The following MIPEP variants were observed in gnomAD, a reference collection of about 807,000 sequenced individuals.
The protein encoded by MIPEP is mitochondrial intermediate peptidase.
MIPEP carries 79 observed loss-of-function variants against 90.3 expected under a neutral mutation model. The observed-to-expected ratio is 0.87, with a 90% CI of 0.73 to 1.05. The LOEUF (loss-of-function observed/expected upper bound fraction) is 1.05, where lower values mean the gene tolerates loss of function less well. Among genes scored for constraint, MIPEP ranks in the 50% least tolerant of loss-of-function variants. The pLI, the probability that MIPEP is intolerant of heterozygous loss-of-function variation, is 0.00. For synonymous variants in MIPEP, 334 were observed against 315.8 expected (o/e 1.06, Z -0.61); for missense variants, 940 against 905.6 (o/e 1.04, Z -0.49).
intron 18 of MIPEP, among the ~76,000 whole-genome samples, chr13:23,733,785 A>T (rs755082056): frequency 6.6e-6 from 1 of 152,356 alleles, no homozygotes; most frequent in Admixed American, 6.5e-5. Flanking sequence ...TCTAATGTCT[A>T]TCTAAATTCT....
rs1210128832 is a variant in MIPEP at position 23,889,302 on chromosome 13, G to C, written c.19C>G (p.Leu7Val). 1.6e-5 allele frequency: 21 copies of C among 1,350,618 alleles called. No individual in the cohort carries two copies. The highest frequency in any genetic ancestry group is 1.9e-5 in the Non-Finnish European group (20 of 1,049,226). The allele number at this position is 1,350,618 out of a possible 1,614,324, so 83.7% of individuals were successfully genotyped here. A position where few individuals can be genotyped will look rare whatever the true frequency, so the allele number is the denominator to read the frequency against. The change falls in exon 1 of 19, where the codon CTG (leucine) becomes GTG (valine). Residue 7 changes from leucine (L) to valine (V), a missense_variant. Coordinates refer to ENST00000382172, the MANE Select transcript of MIPEP (RefSeq NM_005932.4). MLCVGR[L>V]GGLGARAAAL... The stretch of plus-strand genomic sequence containing the variant: ...GCTGCTCTGGCTCCCAAGCCGCCCA[G>C]CCTTCCGACGCACAGCATTCTAGCA...
chr13:23,766,999 G>A (rs550429802), intron 16 of MIPEP, among the ~76,000 whole-genome samples: 1 of 152,330 alleles, frequency 6.6e-6, no homozygotes, highest in South Asian at 2.1e-4. Flanking sequence ...TGTTGGGAAA[G>A]CCCACTGTCA....
chr13:23,797,511 CCTT>C (rs1438511620), intron 16 of MIPEP, among the ~76,000 whole-genome samples: 6 of 152,328 alleles, frequency 3.9e-5, no homozygotes, highest in Middle Eastern at 6.8e-3. Context: ...CATTCCCACT[CCTT>C]CTCTTTTATC....
At chr13:23,785,560 C>T (rs1952829187) in intron 16 of MIPEP, among the ~76,000 whole-genome samples, 1 of 148,620 alleles carries the variant, frequency 6.7e-6, no homozygotes, top group South Asian at 2.1e-4. Context: ...ACCAACATGG[C>T]ACATGTATAC....
chr13:23,795,981 C>T (rs2063672047), intron 16 of MIPEP, among the ~76,000 whole-genome samples: 1 of 152,016 alleles, frequency 6.6e-6, no homozygotes, highest in South Asian at 2.1e-4. Context: ...AGTGATGGAG[C>T]AAGACCCTGT....
chr13:23,874,985 TA>T, intron 4 of MIPEP, 76 bp from the exon 5 acceptor site: 1 of 1,295,758 alleles, frequency 7.7e-7, no homozygotes, highest in African/African-American at 1.5e-5. Flanking sequence ...TTTTGTTAAA[TA>T]AATAAGTCTT....
intron 3 of MIPEP, among the ~76,000 whole-genome samples, chr13:23,880,205 T>C (rs1451268646): frequency 1.3e-5 from 2 of 152,070 alleles, no homozygotes; most frequent in African/African-American, 2.4e-5. Flanking sequence ...ACCATTCTCA[T>C]GGGCCTTCCC....
chr13:23,742,239 G>GA lies in MIPEP; in HGVS notation c.2045-11795dup, dbSNP rs570091852. Among the ~76,000 whole-genome samples, 170 of 152,100 alleles carry GA rather than the reference G, an allele frequency of 1.1e-3. 1 individual carries two copies. Among genetic ancestry groups the GA allele is most frequent in the African/African-American group, 3.9e-3 (163 of 41,530 alleles). Reference sequence around the variant, plus strand: ...AAGGGGTGCCAAGAAAGAATAGAGAGAAAAAAATACCTTTTTCATTTTCTA... The same window carrying GA: ...AAGGGGTGCCAAGAAAGAATAGAGAGAAAAAAAATACCTTTTTCATTTTCTA... On this transcript the variant is annotated intron_variant, in intron 18 of 18. Coordinates refer to ENST00000382172, the MANE Select transcript of MIPEP (RefSeq NM_005932.4).
intron 16 of MIPEP, among the ~76,000 whole-genome samples, chr13:23,777,971 T>C (rs1237312154): frequency 6.6e-6 from 1 of 152,254 alleles, no homozygotes; most frequent in Non-Finnish European, 1.5e-5. Context: ...AAAGTGGTTA[T>C]GAAATAAATG....
chr13:23,808,762 G>A (rs1953140091), intron 15 of MIPEP, among the ~76,000 whole-genome samples: 1 of 152,206 alleles, frequency 6.6e-6, no homozygotes, highest in Admixed American at 6.5e-5. Flanking sequence ...AATAGATACT[G>A]AGTAAGGTAA....
chr13:23,830,669 T>C (rs928999846), intron 14 of MIPEP, among the ~76,000 whole-genome samples: 1 of 152,198 alleles, frequency 6.6e-6, no homozygotes, highest in South Asian at 2.1e-4. Flanking sequence ...TTCCTAGTAA[T>C]ATTGTTTTTT....
intron 14 of MIPEP, among the ~76,000 whole-genome samples, chr13:23,815,549 T>C (rs568218915): frequency 4.6e-4 from 70 of 152,344 alleles, no homozygotes; most frequent in African/African-American, 1.6e-3. Context: ...CCTCAGGAGA[T>C]CCACCTGCCT....
intron 16 of MIPEP, among the ~76,000 whole-genome samples, chr13:23,792,860 A>G (rs527727796): frequency 6.6e-6 from 1 of 152,328 alleles, no homozygotes; most frequent in Admixed American, 6.5e-5. Flanking sequence ...AGAAGCACCC[A>G]GTATGAGTGG....
chr13:23,857,932 A>G (rs930368171), intron 10 of MIPEP, among the ~76,000 whole-genome samples: 1 of 152,200 alleles, frequency 6.6e-6, no homozygotes, highest in Non-Finnish European at 1.5e-5. Context: ...TTAAAGCTTA[A>G]TACCAAATAA....
rs150143577 is a variant in MIPEP, at chr13:23,784,220, C to T, written c.1848+21730G>A. Among the ~76,000 whole-genome samples, 515 of 152,264 alleles carry T rather than the reference C, an allele frequency of 3.4e-3. 2 individuals carry two copies. The highest frequency in any genetic ancestry group is 0.014 in the Middle Eastern group (4 of 294). On this transcript the variant is annotated intron_variant, in intron 16 of 18. Coordinates refer to ENST00000382172, the MANE Select transcript of MIPEP (RefSeq NM_005932.4). ...AAAGAACAGAGCTGGAGGCATCATG[C>T]TACCTGACTTCAAACTATACTACAA...
chr13:23,790,361 T>C (rs947541329), intron 16 of MIPEP, among the ~76,000 whole-genome samples: 3 of 152,234 alleles, frequency 2.0e-5, no homozygotes, highest in African/African-American at 4.8e-5. Flanking sequence ...CCCCCAAAGC[T>C]AATCTTTCAA....
intron 10 of MIPEP, among the ~76,000 whole-genome samples, chr13:23,857,189 T>C (rs1201756207): frequency 6.6e-6 from 1 of 152,158 alleles, no homozygotes; most frequent in Non-Finnish European, 1.5e-5. Flanking sequence ...AATGCAACTA[T>C]AGGGAGCAGG....
intron 13 of MIPEP, among the ~76,000 whole-genome samples, chr13:23,836,691 T>C (rs1015859732): frequency 6.6e-6 from 1 of 152,264 alleles, no homozygotes; most frequent in Non-Finnish European, 1.5e-5. Context: ...ATAGCGTTTG[T>C]ATTTAATTCA....
intron 16 of MIPEP, among the ~76,000 whole-genome samples, chr13:23,770,526 C>A (rs1952636905): frequency 6.6e-6 from 1 of 152,188 alleles, no homozygotes; most frequent in African/African-American, 2.4e-5. Flanking sequence ...GGGACCTCAG[C>A]ATCGAAGTCT....
Sources: allele counts gnomAD v4.1 joint callset (sites outside exome capture counted in the v4.1 genomes callset), GRCh38; gene constraint gnomAD v4.1.1; transcripts MANE v1.5; gene names NCBI Gene and HGNC (gene_info 2026-07-23, HGNC 2026-07-21).